Variants in RBFOX3 observed in about 807,000 individuals in gnomAD.
RBFOX3 encodes the protein RNA binding fox-1 homolog 3.
Under a neutral mutation model 48.7 loss-of-function variants are expected in RBFOX3, and 17 were observed. The ratio of observed to expected loss-of-function variants is 0.35; its 90% CI spans 0.24 to 0.52. The LOEUF (loss-of-function observed/expected upper bound fraction) is 0.52. RBFOX3 is among the 20% of genes least tolerant of loss of function. The pLI is 0.94. For missense variants in RBFOX3, 382 were observed against 497.5 expected, an observed-to-expected ratio of 0.77 and a Z score of 2.21; for synonymous variants, 212 against 209.5, an observed-to-expected ratio of 1.01 and a Z score of -0.10.
At chr17:79,640,833 C>A in the RBFOX3 span, among the ~76,000 whole-genome samples, 2 of 152,094 alleles carry the variant, frequency 1.3e-5, no homozygotes, top group South Asian at 2.1e-4. Flanking sequence ...ACATGTAAGA[C>A]CCAAAGCCAT....
intron 1 of RBFOX3, among the ~76,000 whole-genome samples, chr17:79,550,526 A>G (rs2091034560): frequency 6.6e-6 from 1 of 152,186 alleles, no homozygotes; most frequent in East Asian, 1.9e-4. Context: ...TTTAATAAGT[A>G]TTTTTCAAAG....
At chr17:79,179,479 C>T (rs899547622) in intron 4 of RBFOX3, among the ~76,000 whole-genome samples, 4 of 152,242 alleles carry the variant, frequency 2.6e-5, no homozygotes, top group East Asian at 1.9e-4. Context: ...ATTCACGACG[C>T]GTCCCCCAGG....
At chr17:79,155,979 G>T (rs1444089181) in intron 4 of RBFOX3, among the ~76,000 whole-genome samples, 1 of 152,214 alleles carries the variant, frequency 6.6e-6, no homozygotes. Flanking sequence ...CTCTCGGGGA[G>T]GCCCCAAGTG....
chr17:79,253,496 T>C (rs989403340), intron 3 of RBFOX3, among the ~76,000 whole-genome samples: 2 of 152,200 alleles, frequency 1.3e-5, no homozygotes, highest in Non-Finnish European at 2.9e-5. Context: ...TGGCGGGGTA[T>C]CCAGGCACAA....
chr17:79,397,864 G>A (rs1387543885), intron 2 of RBFOX3, among the ~76,000 whole-genome samples: 1 of 152,178 alleles, frequency 6.6e-6, no homozygotes, highest in Non-Finnish European at 1.5e-5. Context: ...AGCACCGAAA[G>A]CTACAACCAC....
intron 4 of RBFOX3, among the ~76,000 whole-genome samples, chr17:79,144,399 C>G (rs981729955): frequency 3.1e-4 from 47 of 152,224 alleles, no homozygotes; most frequent in Non-Finnish European, 6.8e-4. Flanking sequence ...GTCACATGAC[C>G]CCCAGCTTCC....
rs1412484030 is a variant in RBFOX3 at position 79,214,992 on chromosome 17, C to T, written c.-34+20774G>A. Reference sequence around the variant, plus strand: ...TGAAGCCACCCGCTGGTGCTGCCCCCACACCCGTCACTCCTGCACAAGACC... The same window carrying T: ...TGAAGCCACCCGCTGGTGCTGCCCCTACACCCGTCACTCCTGCACAAGACC... On this transcript the variant is annotated intron_variant, in intron 4 of 14. Transcript: ENST00000693108. This position sits in a 1 kb window ranked among gnomAD's most constrained non-coding sequence, Gnocchi z 4.7. Among the ~76,000 whole-genome samples the T allele has an allele frequency of 6.6e-6, 1 of 152,214 alleles. No homozygotes were observed. Among genetic ancestry groups the T allele is most frequent in the Non-Finnish European group, 1.5e-5 (1 of 68,036 alleles).
intron 3 of RBFOX3, among the ~76,000 whole-genome samples, chr17:79,306,561 G>C (rs186790756): frequency 6.5e-4 from 99 of 152,340 alleles, no homozygotes; most frequent in African/African-American, 2.3e-3. Flanking sequence ...TCTGAGCCTG[G>C]GAGAGGATGA....
chr17:79,183,131 A>C (rs112541558), intron 4 of RBFOX3: 10,262 of 147,288 alleles, frequency 0.07, 435 homozygotes, highest in East Asian at 0.18. Flanking sequence ...CCCCGGCGCC[A>C]TGACGCGGGG....
At chr17:79,617,085 T>C in the RBFOX3 span, among the ~76,000 whole-genome samples, 1 of 152,172 alleles carries the variant, frequency 6.6e-6, no homozygotes. Flanking sequence ...CTGACCCTTT[T>C]TTCCTGGCAG....
chr17:79,274,110 C>T (rs934567313), intron 3 of RBFOX3, among the ~76,000 whole-genome samples: 1 of 152,126 alleles, frequency 6.6e-6, no homozygotes, highest in African/African-American at 2.4e-5. Context: ...GGCGGTGTGC[C>T]CTGGCCGGTC....
chr17:79,191,212 C>T (rs976279560), intron 4 of RBFOX3, among the ~76,000 whole-genome samples: 1 of 152,204 alleles, frequency 6.6e-6, no homozygotes, highest in Non-Finnish European at 1.5e-5. Context: ...CTTCCTCCAG[C>T]ACTGGGCAAG....
At chr17:79,298,728 G>T (rs973656645) in intron 3 of RBFOX3, among the ~76,000 whole-genome samples, 2 of 152,182 alleles carry the variant, frequency 1.3e-5, no homozygotes, top group Admixed American at 6.5e-5. Context: ...GAAGCTGGGG[G>T]TCCTACCTCT....
At chr17:79,337,601 C>A (rs1428170961) in intron 2 of RBFOX3, among the ~76,000 whole-genome samples, 1 of 152,126 alleles carries the variant, frequency 6.6e-6, no homozygotes, top group Admixed American at 6.5e-5. Flanking sequence ...GATGGTGAAA[C>A]CTAATCTCTA....
chr17:79,393,571 C>T (rs1363483601), intron 2 of RBFOX3, among the ~76,000 whole-genome samples: 2 of 152,242 alleles, frequency 1.3e-5, no homozygotes, highest in African/African-American at 2.4e-5. Context: ...TCACACACAT[C>T]GGAGCTGGTC....
chr17:79,591,848 G>A (rs1284568621), intron 1 of RBFOX3, among the ~76,000 whole-genome samples: 1 of 151,080 alleles, frequency 6.6e-6, no homozygotes, highest in Non-Finnish European at 1.5e-5. Context: ...GTGGAGGGGT[G>A]TGCACGTGTG....
rs548022934 is a variant in RBFOX3, at chr17:79,388,306, T to C, written c.-174-80482A>G. The stretch of plus-strand genomic sequence containing the variant: ...CTTGAGAGAACAAGGAGTTGGGCCC[T>C]TCCAGGGCCTCAAAAGCACCCAGGC... On this transcript the variant is annotated intron_variant, in intron 2 of 14. Coordinates refer to ENST00000693108, the MANE Select transcript of RBFOX3 (RefSeq NM_001350451.2). 7.9e-5 allele frequency among the ~76,000 whole-genome samples: 12 copies of C among 152,204 alleles called. No individual in the cohort carries two copies. The East Asian group carries it at 2.3e-3, about 30-fold the overall frequency.
At chr17:79,100,981 G>A (rs1056806683) in intron 9 of RBFOX3, among the ~76,000 whole-genome samples, 26 of 152,194 alleles carry the variant, frequency 1.7e-4, no homozygotes, top group Non-Finnish European at 4.4e-5. Context: ...GCCCCAGGAA[G>A]GCAGTTACTG....
At chr17:79,453,452 C>T (rs11651746) in intron 2 of RBFOX3, among the ~76,000 whole-genome samples, 32,877 of 152,138 alleles carry the variant, frequency 0.22, 3,740 homozygotes, top group South Asian at 0.27. Context: ...GGACAGGCCT[C>T]ATCTCCTTGG....
Sources: allele counts gnomAD v4.1 joint callset (sites outside exome capture counted in the v4.1 genomes callset), GRCh38; gene constraint gnomAD v4.1.1; non-coding constraint Gnocchi (gnomAD v3.1); transcripts MANE v1.5; gene names NCBI Gene and HGNC (gene_info 2026-07-23, HGNC 2026-07-21).